The following DCAF6 variants were observed in gnomAD, a reference collection of about 807,000 sequenced individuals.
DCAF6 encodes the protein DDB1- and CUL4-associated factor 6.
In DCAF6, 54 loss-of-function variants were observed where a neutral mutation model predicts 125.1. That is an observed-to-expected ratio of 0.43 (90% CI 0.35 to 0.54). The LOEUF is 0.54. DCAF6 is among the 20% of genes least tolerant of loss of function. DCAF6 has a pLI of 0.01. For missense variants in DCAF6, 934 were observed against 1,161.7 expected (o/e 0.80, Z 2.85); for synonymous variants, 371 against 390.4 (o/e 0.95, Z 0.58).
At chr1:167,888,493 T>C in the DCAF6 span, among the ~76,000 whole-genome samples, 2 of 152,082 alleles carry the variant, frequency 1.3e-5, no homozygotes, top group Admixed American at 6.5e-5. Context: ...TTTGGTTAAT[T>C]ACTAGGTACT....
chr1:167,895,283 A>C, the DCAF6 span, among the ~76,000 whole-genome samples: 2 of 152,010 alleles, frequency 1.3e-5, no homozygotes, highest in African/African-American at 4.8e-5. Context: ...AGGAGATGGC[A>C]TTAGTAAAGC....
At chr1:167,864,607 GAGAC>G in the DCAF6 span, among the ~76,000 whole-genome samples, 1 of 152,144 alleles carries the variant, frequency 6.6e-6, no homozygotes, top group Non-Finnish European at 1.5e-5. Context: ...GGGAGAGAGA[GAGAC>G]AGAAAGTCAA....
intron 6 of DCAF6, among the ~76,000 whole-genome samples, chr1:167,992,226 T>A (rs1268770075): frequency 2.8e-5 from 4 of 144,630 alleles, no homozygotes; most frequent in African/African-American, 9.9e-5. Context: ...TCCATTCACA[T>A]TTTTTCAGTA....
upstream of DCAF6, chr1:167,936,094 G>A (rs1334791928): frequency 1.1e-5 from 6 of 559,370 alleles, no homozygotes; most frequent in African/African-American, 3.8e-5. Flanking sequence ...CAGGAGAGAG[G>A]GAGGAGCCAT....
intron 5 of DCAF6, among the ~76,000 whole-genome samples, 182 bp downstream of exon 5, chr1:167,987,790 A>G (rs1432107642): frequency 6.6e-6 from 1 of 152,170 alleles, no homozygotes; most frequent in Non-Finnish European, 1.5e-5. Flanking sequence ...GTTTATAATC[A>G]GAAATTGAAA....
At chr1:167,948,350 T>C (rs937695298) in intron 1 of DCAF6, among the ~76,000 whole-genome samples, 3 of 152,166 alleles carry the variant, frequency 2.0e-5, no homozygotes, top group Non-Finnish European at 2.9e-5. Flanking sequence ...GAAATAATTT[T>C]GTGTTTTGTC....
the DCAF6 span, among the ~76,000 whole-genome samples, chr1:167,906,325 T>C: frequency 1.3e-5 from 2 of 151,294 alleles, no homozygotes; most frequent in African/African-American, 4.9e-5. Context: ...AACTCAAATG[T>C]TAAGAAGTGA....
the DCAF6 span, among the ~76,000 whole-genome samples, chr1:167,928,743 G>A: frequency 1.3e-5 from 2 of 152,150 alleles, no homozygotes; most frequent in Non-Finnish European, 1.5e-5. Flanking sequence ...ATTATGACAC[G>A]TGAAGTGATT....
At chr1:167,990,644 T>A (rs1371223900) in intron 5 of DCAF6, among the ~76,000 whole-genome samples, 1 of 152,188 alleles carries the variant, frequency 6.6e-6, no homozygotes, top group African/African-American at 2.4e-5. Flanking sequence ...TGTAGCTAGT[T>A]TAGAAAGAGT....
At chr1:168,038,599 T>C in intron 13 of DCAF6, 111 bp downstream of exon 13, 1 of 721,188 alleles carries the variant, frequency 1.4e-6, no homozygotes, top group South Asian at 2.0e-5. Flanking sequence ...AAGGTATTGG[T>C]TTTCAAACTT....
At chr1:167,991,168 A>G (rs778943974) in intron 5 of DCAF6, 36 bp from the exon 6 acceptor site, 1 of 1,560,396 alleles carries the variant, frequency 6.4e-7, no homozygotes, top group Non-Finnish European at 8.7e-7. Flanking sequence ...TCTGCTGTAT[A>G]ACTATATGTA....
At chr1:167,990,702 T>C (rs532709085) in intron 5 of DCAF6, among the ~76,000 whole-genome samples, 6 of 152,198 alleles carry the variant, frequency 3.9e-5, no homozygotes, top group Admixed American at 1.3e-4. Context: ...ACCATCTTTT[T>C]GTAGCTGGCG....
intron 10 of DCAF6, 99 bp downstream of exon 10, chr1:168,004,892 T>TG: frequency 7.6e-7 from 1 of 1,308,562 alleles, no homozygotes; most frequent in Middle Eastern, 1.9e-4. Flanking sequence ...AACTTCTTGT[T>TG]GGAATAAATG....
At position 168,007,725 on chromosome 1, in the gene DCAF6, C is replaced by G. The variant is rs138486290; in HGVS notation, c.1378+2932C>G. 2.1e-3 allele frequency among the ~76,000 whole-genome samples: 314 copies of G among 152,092 alleles called. 2 individuals are homozygous for G. The highest frequency in any genetic ancestry group is 3.5e-3 in the Non-Finnish European group (238 of 68,016). ...GTAACTGTTGTTCGTGTTTCTTGTT[C>G]TATCTCCTTCTGAATATTATAATCA... On this transcript the variant is annotated intron_variant, in intron 10 of 21. Coordinates refer to ENST00000367840, the MANE Select transcript of DCAF6 (RefSeq NM_001198956.2).
At chr1:167,951,970 G>T in intron 2 of DCAF6, 109 bp downstream of exon 2, 1 of 622,934 alleles carries the variant, frequency 1.6e-6, no homozygotes. Flanking sequence ...AATAAAATGG[G>T]AGAATAAAGT....
At chr1:168,004,906 A>G in intron 10 of DCAF6, 113 bp downstream of exon 10, 1 of 1,206,584 alleles carries the variant, frequency 8.3e-7, no homozygotes, top group Non-Finnish European at 1.1e-6. Context: ...ATAAATGATC[A>G]AAATGACATG....
chr1:168,064,293 A>T (rs1189191893), intron 18 of DCAF6, among the ~76,000 whole-genome samples: 1 of 152,114 alleles, frequency 6.6e-6, no homozygotes, highest in Non-Finnish European at 1.5e-5. Flanking sequence ...AGTTTTTACG[A>T]TCTACAAGTT....
intron 11 of DCAF6, among the ~76,000 whole-genome samples, chr1:168,019,235 A>C (rs373426381): frequency 4.6e-5 from 7 of 152,030 alleles, no homozygotes; most frequent in African/African-American, 1.4e-4. Flanking sequence ...TTTTTGGTAG[A>C]GATGGGATTT....
chr1:167,870,214 G>T, the DCAF6 span: 17 of 1,610,158 alleles, frequency 1.1e-5, no homozygotes, highest in Non-Finnish European at 1.3e-5. Flanking sequence ...AATAAATCAG[G>T]ATTCTATGGG....
Sources: gnomAD v4.1 joint callset for allele counts (sites outside exome capture counted in the v4.1 genomes callset) on GRCh38, gnomAD v4.1.1 for gene constraint, MANE v1.5 for transcripts, NCBI Gene and HGNC (gene_info 2026-07-23, HGNC 2026-07-21) for gene names.